KCNB2: variants seen among roughly 807,000 people sequenced by gnomAD.
The protein encoded by KCNB2 is potassium voltage-gated channel subfamily B member 2.
Under a neutral mutation model 61.5 loss-of-function variants are expected in KCNB2, and 15 were observed. That is an observed-to-expected ratio of 0.24 (90% CI 0.16 to 0.38). The LOEUF (loss-of-function observed/expected upper bound fraction) is 0.38. Ranked by LOEUF, KCNB2 falls within the 10% of genes least tolerant of loss-of-function variation. The probability of loss-of-function intolerance (pLI) is 1.00; values close to 1 mark genes in which losing one functional copy is unlikely to be tolerated. For synonymous variants in KCNB2, 457 were observed against 446.0 expected (o/e 1.02, Z -0.31); for missense variants, 828 against 1,125.2 (o/e 0.74, Z 3.78).
At chr8:72,685,330 T>TA (rs2128989493) in intron 2 of KCNB2, among the ~76,000 whole-genome samples, 1 of 152,192 alleles carries the variant, frequency 6.6e-6, no homozygotes, top group East Asian at 1.9e-4. Flanking sequence ...AATATATATA[T>TA]AAAACATAAG....
intron 2 of KCNB2, among the ~76,000 whole-genome samples, chr8:72,674,900 T>TA (rs916740568): frequency 2.0e-5 from 3 of 152,124 alleles, no homozygotes; most frequent in African/African-American, 4.8e-5. Flanking sequence ...TATATAGTGA[T>TA]AAAAAAATAA....
At chr8:72,799,170 A>T (rs991552422) in intron 2 of KCNB2, among the ~76,000 whole-genome samples, 3 of 152,190 alleles carry the variant, frequency 2.0e-5, no homozygotes, top group African/African-American at 4.8e-5. Flanking sequence ...TGGTCACATC[A>T]TCACACTTGT....
At chr8:72,838,278 C>T (rs898531981) in intron 2 of KCNB2, among the ~76,000 whole-genome samples, 84 of 152,204 alleles carry the variant, frequency 5.5e-4, no homozygotes, top group Admixed American at 1.4e-3. Context: ...CCCCACCAGC[C>T]GACAGGCCCT....
At chr8:72,653,652 T>C (rs1055684857) in intron 2 of KCNB2, among the ~76,000 whole-genome samples, 4 of 152,164 alleles carry the variant, frequency 2.6e-5, no homozygotes, top group Admixed American at 6.6e-5. Context: ...TGAAGTTTGA[T>C]TGGAGTACAG....
intron 2 of KCNB2, among the ~76,000 whole-genome samples, chr8:72,925,638 T>G (rs1431343952): frequency 6.6e-6 from 1 of 152,158 alleles, no homozygotes; most frequent in East Asian, 1.9e-4. Flanking sequence ...GCTTTCACAG[T>G]TGGTGGGCAT....
intron 2 of KCNB2, among the ~76,000 whole-genome samples, chr8:72,898,100 G>C (rs1403871789): frequency 6.6e-6 from 1 of 152,024 alleles, no homozygotes; most frequent in Non-Finnish European, 1.5e-5. Flanking sequence ...TTTTTTAATG[G>C]GGATTCATTT....
rs866902223 is a variant in KCNB2, at chr8:72,937,792, G to A, written c.2437G>A (p.Glu813Lys). Residue 813 changes from glutamate to lysine, a missense_variant, in exon 3 of 3, where the codon GAA becomes AAA. Physicochemically the swap from Glu to Lys is moderately conservative, Grantham distance 56. This residue lies in a region of KCNB2 where 559 missense variants were observed against 588.4 expected (regional missense o/e 0.95). Transcript: ENST00000523207. The part of the protein sequence containing the change: ...SFTEIDTGDD[E>K]DFLELPGARE... Reference sequence around the variant, plus strand: ...CACTGAAATAGATACTGGTGACGACGAAGACTTCTTAGAGCTCCCAGGGGC... The same window carrying A: ...CACTGAAATAGATACTGGTGACGACAAAGACTTCTTAGAGCTCCCAGGGGC... The A allele has an allele frequency of 3.1e-6, 5 of 1,613,794 alleles. No homozygotes were observed. The highest frequency in any genetic ancestry group is 4.2e-6 in the Non-Finnish European group (5 of 1,180,008).
At chr8:72,720,328 T>A (rs1435355028) in intron 2 of KCNB2, among the ~76,000 whole-genome samples, 1 of 152,184 alleles carries the variant, frequency 6.6e-6, no homozygotes, top group African/African-American at 2.4e-5. Context: ...TCCTCATCTG[T>A]TCTGGAGAAA....
At chr8:72,628,400 G>GGTGTGTGTGT (rs1160601490) in intron 2 of KCNB2, among the ~76,000 whole-genome samples, 22 of 47,334 alleles carry the variant, frequency 4.6e-4, no homozygotes, top group Non-Finnish European at 7.0e-4. Context: ...CCTGTTAGGG[G>GGTGTGTGTGT]GTGTGTGTGT....
At chr8:72,895,896 T>C (rs923395771) in intron 2 of KCNB2, among the ~76,000 whole-genome samples, 1 of 152,216 alleles carries the variant, frequency 6.6e-6, no homozygotes, top group African/African-American at 2.4e-5. Flanking sequence ...TTTAGGTTAA[T>C]TAATATGACT....
chr8:72,598,907 T>C (rs1033150417), intron 2 of KCNB2, among the ~76,000 whole-genome samples: 13 of 152,116 alleles, frequency 8.5e-5, no homozygotes, highest in African/African-American at 3.1e-4. Flanking sequence ...GAAAGACCTC[T>C]TCAAGGAGAA....
chr8:72,781,914 G>C (rs1487756910), intron 2 of KCNB2, among the ~76,000 whole-genome samples: 1 of 152,044 alleles, frequency 6.6e-6, no homozygotes, highest in African/African-American at 2.4e-5. Context: ...TGAAAAATGA[G>C]AACACAGGGT....
At chr8:72,686,501 C>G (rs1179352698) in intron 2 of KCNB2, among the ~76,000 whole-genome samples, 1 of 152,128 alleles carries the variant, frequency 6.6e-6, no homozygotes, top group African/African-American at 2.4e-5. Flanking sequence ...GCATGCACCA[C>G]CACACCTGGC....
At chr8:72,658,612 C>G (rs1390436203) in intron 2 of KCNB2, among the ~76,000 whole-genome samples, 1 of 152,156 alleles carries the variant, frequency 6.6e-6, no homozygotes, top group Non-Finnish European at 1.5e-5. Context: ...GAAGAAAATG[C>G]TATCTAGGAG....
At chr8:72,675,139 G>A (rs992407561) in intron 2 of KCNB2, among the ~76,000 whole-genome samples, 2 of 151,992 alleles carry the variant, frequency 1.3e-5, no homozygotes, top group Non-Finnish European at 2.9e-5. Flanking sequence ...AAAATGGATT[G>A]TTTTCATCAC....
chr8:72,632,129 C>T (rs1805891448), intron 2 of KCNB2, among the ~76,000 whole-genome samples: 1 of 151,866 alleles, frequency 6.6e-6, no homozygotes, highest in African/African-American at 2.4e-5. Flanking sequence ...ACCTGTATTC[C>T]CAGCTACTTG....
At chr8:72,682,314 T>C (rs2128989190) in intron 2 of KCNB2, among the ~76,000 whole-genome samples, 1 of 152,190 alleles carries the variant, frequency 6.6e-6, no homozygotes, top group Non-Finnish European at 1.5e-5. Context: ...GCAAAGAATA[T>C]CTTATACTTT....
chr8:72,674,909 A>T (rs1335088275), intron 2 of KCNB2, among the ~76,000 whole-genome samples: 2 of 152,200 alleles, frequency 1.3e-5, no homozygotes, highest in East Asian at 3.8e-4. Flanking sequence ...ATAAAAAAAT[A>T]AAGATTTTTT....
At chr8:72,852,640 C>T (rs530832657) in intron 2 of KCNB2, among the ~76,000 whole-genome samples, 1 of 152,152 alleles carries the variant, frequency 6.6e-6, no homozygotes, top group Admixed American at 6.5e-5. Flanking sequence ...ATTTTTTGCA[C>T]AGGATGGCAG....
Sources: allele counts gnomAD v4.1 joint callset (sites outside exome capture counted in the v4.1 genomes callset), GRCh38; gene constraint gnomAD v4.1.1; regional missense constraint gnomAD v4.1.1; transcripts MANE v1.5; gene names NCBI Gene and HGNC (gene_info 2026-07-23, HGNC 2026-07-21).